The following OVCH2 variants were observed in gnomAD, a reference collection of about 807,000 sequenced individuals.
The protein encoded by OVCH2 is ovochymase-2.
A neutral mutation model predicts 73.7 loss-of-function variants in OVCH2; 88 were observed. The ratio of observed to expected loss-of-function variants is 1.19; its 90% CI spans 1.01 to 1.43. The LOEUF (loss-of-function observed/expected upper bound fraction) is 1.43. Ranked by LOEUF, OVCH2 falls within the 40% of genes most tolerant of loss-of-function variation. The pLI, the probability that OVCH2 is intolerant of heterozygous loss-of-function variation, is 0.00. For synonymous variants in OVCH2, 265 were observed against 234.5 expected (o/e 1.13, Z -1.19); for missense variants, 706 against 674.5 (o/e 1.05, Z -0.52).
At chr11:7,685,966 GA>G (rs374570862), downstream of OVCH2, among the ~76,000 whole-genome samples, 26 of 150,422 alleles carry the variant, frequency 1.7e-4, no homozygotes, top group East Asian at 3.9e-3. Context: ...GGTTGTCATT[GA>G]AAAAAAAAAT....
chr11:7,700,197 C>T, intron 7 of OVCH2, 99 bp downstream of exon 7: 1 of 1,187,952 alleles, frequency 8.4e-7, no homozygotes, highest in Non-Finnish European at 1.2e-6. Context: ...GAGGTAGAGC[C>T]TGTTGGTTCA....
At chr11:7,679,695 A>G in the OVCH2 span, among the ~76,000 whole-genome samples, 1 of 152,310 alleles carries the variant, frequency 6.6e-6, no homozygotes, top group South Asian at 2.1e-4. Context: ...TTATCCAGTC[A>G]GTCTCAGGGA....
intron 15 of OVCH2, 105 bp from the exon 16 acceptor site, chr11:7,689,707 C>A: frequency 1.6e-6 from 1 of 639,418 alleles, no homozygotes; most frequent in South Asian, 1.5e-5. Flanking sequence ...AATAAGGACA[C>A]TAGTCATACT....
intron 1 of OVCH2, chr11:7,705,169 C>T (rs1161179559): frequency 1.3e-5 from 2 of 152,382 alleles, no homozygotes; most frequent in African/African-American, 4.8e-5. Flanking sequence ...CATTGCCTAC[C>T]TAAATTCTGT....
rs920172894 is a variant in OVCH2, at chr11:7,701,332, C to T, written c.703G>A (p.Ala235Thr). 15 of 1,611,572 alleles carry T rather than the reference C, an allele frequency of 9.3e-6. No individual in the cohort carries two copies. The highest frequency in any genetic ancestry group is 2.7e-5 in the African/African-American group (2 of 74,854). ...CCGCAGCTCCCACCCACCTGACATG[C>T]GTCTCTCCCTCCATCAGGAAAACCT... ...CTGFPDGGRD[A>T]CQGDSGGSLM... Residue 235 changes from alanine (A) to threonine (T), a missense_variant, in exon 6 of 16, where the codon GCA becomes ACA. Physicochemically the swap from Ala to Thr is moderately conservative, Grantham distance 58. Transcript: ENST00000533663.
intron 14 of OVCH2, among the ~76,000 whole-genome samples, chr11:7,690,670 T>C (rs1163790689): frequency 6.6e-6 from 1 of 152,144 alleles, no homozygotes; most frequent in Admixed American, 6.5e-5. Flanking sequence ...ATACATGTTG[T>C]TAGACACACG....
chr11:7,703,813 A>G, intron 2 of OVCH2, 24 bp from the exon 3 acceptor site: 2 of 1,570,898 alleles, frequency 1.3e-6, no homozygotes, highest in Non-Finnish European at 8.7e-7. Flanking sequence ...ACCTTAAATG[A>G]AAGCAAGTTC....
intron 12 of OVCH2, among the ~76,000 whole-genome samples, chr11:7,694,021 C>T (rs527924592): frequency 2.1e-4 from 32 of 152,288 alleles, no homozygotes; most frequent in South Asian, 1.0e-3. Flanking sequence ...CATAAAAACA[C>T]ACCAATTTGG....
At position 7,700,443 on chromosome 11, in the gene OVCH2, C is replaced by G; in HGVS notation, c.754G>C (p.Ala252Pro). 1 of 1,611,262 alleles carries G rather than the reference C, an allele frequency of 6.2e-7. No homozygotes were observed. Among genetic ancestry groups the G allele is most frequent in the Non-Finnish European group, 8.5e-7 (1 of 1,178,716 alleles). The change falls in exon 7 of 16, where the codon GCC (alanine) becomes CCC (proline). Residue 252 changes from alanine (A) to proline (P), a missense_variant. By Grantham distance (27) the Ala-to-Pro change is conservative. Transcript: ENST00000533663. ...GAAGTCACACCAGCCAGAGTCCAGGCCCCTTTCTTATTCCGGCACATGAGT... is the reference window on the plus strand; with the variant it reads ...GAAGTCACACCAGCCAGAGTCCAGGGCCCTTTCTTATTCCGGCACATGAGT... ...GSLMCRNKKG[A>P]WTLAGVTSWG... is the part of the protein sequence containing the mutation.
In OVCH2 at chr11:7,703,760, A is replaced by T; in HGVS notation, c.228T>A (p.Ile76=). 6.2e-7 allele frequency: 1 copy of T among 1,610,276 alleles called. No individual in the cohort carries two copies. The highest frequency in any genetic ancestry group is 2.2e-5 in the East Asian group (1 of 44,800). ...GTGGTGAGACGATGCTTCCTCCACA[A>T]ATATGCTTCTGCCTTTGTTTCAGAG... is the stretch of plus-strand genomic sequence containing the variant. ...QVSLKQRQKH[I]CGGSIVSPQW... Residue 76 remains isoleucine, a synonymous_variant, in exon 3 of 16, where the codon ATT becomes ATA. Coordinates refer to ENST00000533663, the MANE Select transcript of OVCH2 (RefSeq NM_198185.7).
Position 7,696,799 on chromosome 11 carries a change from G to T in OVCH2, c.926C>A (p.Ala309Asp). ...TATGACATCCTGCTCACTGCACCAG[G>T]CTGGGAGGGAAAGCCAGGAGAGTCA... is the stretch of plus-strand genomic sequence containing the variant. ...QTGNRRKSSRAWCSEQDVIVS... is the reference protein window; with the variant it reads ...QTGNRRKSSRDWCSEQDVIVS... Residue 309 changes from alanine (A) to aspartate (D), a missense_variant and splice_region_variant, in exon 9 of 16, where the codon GCC becomes GAC. Transcript: ENST00000533663. The T allele has an allele frequency of 6.2e-7, 1 of 1,606,038 alleles. No individual in the cohort carries two copies. Among genetic ancestry groups the T allele is most frequent in the East Asian group, 2.2e-5 (1 of 44,594 alleles).
downstream of OVCH2, among the ~76,000 whole-genome samples, chr11:7,685,197 C>G (rs1386441661): frequency 3.9e-5 from 6 of 152,166 alleles, no homozygotes; most frequent in East Asian, 9.7e-4. Context: ...CCCAGGAGGG[C>G]TGGAGGCTGA....
In OVCH2 at chr11:7,706,460, G is replaced by C. The variant is rs1856533235; in HGVS notation, c.-66C>G. On this transcript the variant is annotated 5_prime_UTR_variant, in exon 1 of 16. Coordinates refer to ENST00000533663, the MANE Select transcript of OVCH2 (RefSeq NM_198185.7). ...AAAGCAAACAAAAATAGGAAGCCTT[G>C]AGAGACCAGCAATAAGCCAATTTAA... The C allele has an allele frequency of 1.3e-6, 2 of 1,510,200 alleles. No individual in the cohort carries two copies. The highest frequency in any genetic ancestry group is 8.8e-7 in the Non-Finnish European group (1 of 1,133,748). 93.5% of individuals were successfully genotyped at this position (1,510,200 alleles called of 1,614,324 possible).
In OVCH2 at chr11:7,699,654, C is replaced by G. The variant is rs928023228; in HGVS notation, c.901+642G>C. On this transcript the variant is annotated intron_variant, in intron 7 of 15. Transcript: ENST00000533663. ...ACATGGAACTTGCAGATACGGAGGC[C>G]TGGCTGCATGTAGATCCTGGCTTTT... is the stretch of plus-strand genomic sequence containing the variant. 2.0e-5 allele frequency: 3 copies of G among 152,282 alleles called. 1 individual carries two copies. The allele number at this position is 152,282 out of a possible 1,614,324, so 9.4% of individuals were successfully genotyped here.
chr11:7,697,145 T>A (rs1257071981), intron 8 of OVCH2, among the ~76,000 whole-genome samples: 3 of 152,104 alleles, frequency 2.0e-5, no homozygotes, highest in African/African-American at 7.2e-5. Flanking sequence ...CAGGCAATCC[T>A]CCTGCTTCAG....
Position 7,695,179 on chromosome 11 carries a change from C to A in OVCH2, c.1292G>T (p.Cys431Phe). ...TTCAAAAAGGACAGTTAAGTAACTGCAACCTGAATCTGAAACGTAAGAAAA... is the reference window on the plus strand; with the variant it reads ...TTCAAAAAGGACAGTTAAGTAACTGAAACCTGAATCTGAAACGTAAGAAAA... ...LKPNYIPDSG[C>F]SYLTVLFEEG... Residue 431 changes from cysteine to phenylalanine, a missense_variant, in exon 12 of 16, where the codon TGC becomes TTC. By Grantham distance (205) the Cys-to-Phe change is radical (BLOSUM62 -2). Coordinates refer to ENST00000533663, the MANE Select transcript of OVCH2 (RefSeq NM_198185.7). 1 of 1,554,980 alleles carries A rather than the reference C, an allele frequency of 6.4e-7. No individual in the cohort carries two copies. The highest frequency in any genetic ancestry group is 8.7e-7 in the Non-Finnish European group (1 of 1,151,720).
intron 15 of OVCH2, 21 bp downstream of exon 15, chr11:7,689,903 T>C (rs913785280): frequency 1.4e-5 from 19 of 1,351,318 alleles, no homozygotes; most frequent in South Asian, 1.0e-4. Flanking sequence ...TGTGTATCAA[T>C]TGGTCCCCAA....
Position 7,693,082 on chromosome 11 carries a change from T to C in OVCH2, c.1414-1087A>G, listed in dbSNP as rs970539182. Among the ~76,000 whole-genome samples, 5 of 152,192 alleles carry C rather than the reference T, an allele frequency of 3.3e-5. 1 individual carries two copies. The highest frequency in any genetic ancestry group is 6.5e-5 in the Admixed American group (1 of 15,278). Reference sequence around the variant, plus strand: ...GAAACAAAGAAACAATAAAGAGTGATCTTGGAGCAGTTTGGTGAGCACTAG... The same window carrying C: ...GAAACAAAGAAACAATAAAGAGTGACCTTGGAGCAGTTTGGTGAGCACTAG... On this transcript the variant is annotated intron_variant, in intron 12 of 15. Transcript: ENST00000533663.
At chr11:7,685,449 T>A (rs1349489051), downstream of OVCH2, among the ~76,000 whole-genome samples, 1 of 152,190 alleles carries the variant, frequency 6.6e-6, no homozygotes, top group East Asian at 1.9e-4. Flanking sequence ...AAACTCAGGA[T>A]ACCTTCCACA....
Sources: gnomAD v4.1 joint callset for allele counts (sites outside exome capture counted in the v4.1 genomes callset) on GRCh38, gnomAD v4.1.1 for gene constraint, MANE v1.5 for transcripts, NCBI Gene and HGNC (gene_info 2026-07-23, HGNC 2026-07-21) for gene names.